GALK2: variants seen among roughly 807,000 people sequenced by gnomAD.
GALK2 encodes galactokinase 2, also known as N-acetylgalactosamine kinase.
A neutral mutation model predicts 52.4 loss-of-function variants in GALK2; 36 were observed. That is an observed-to-expected ratio of 0.69 (90% confidence interval 0.53 to 0.91). The LOEUF (loss-of-function observed/expected upper bound fraction) is 0.91, where lower values mean the gene tolerates loss of function less well. GALK2 is among the 40% of genes least tolerant of loss of function. GALK2 has a pLI of 0.00. For missense variants in GALK2, 579 were observed against 559.1 expected (o/e 1.04, Z -0.36); for synonymous variants, 176 against 199.1 (o/e 0.88, Z 0.98).
At chr15:49,201,747 G>T in intron 2 of GALK2, among the ~76,000 whole-genome samples, 1 of 151,958 alleles carries the variant, frequency 6.6e-6, no homozygotes, top group African/African-American at 2.4e-5. Context: ...TCAACATTTT[G>T]TTTACTATCA....
chr15:49,230,337 G>T (rs890881567), intron 3 of GALK2, among the ~76,000 whole-genome samples: 4 of 152,188 alleles, frequency 2.6e-5, no homozygotes, highest in Non-Finnish European at 1.5e-5. Flanking sequence ...GATTGCAGGA[G>T]TCCTTGATAG....
At chr15:49,202,063 G>A (rs576438173) in intron 2 of GALK2, among the ~76,000 whole-genome samples, 1 of 152,128 alleles carries the variant, frequency 6.6e-6, no homozygotes, top group African/African-American at 2.4e-5. Flanking sequence ...GTGTGCAATG[G>A]TGCAGTCTCG....
In GALK2 at chr15:49,327,942, A is replaced by T. The variant is rs1443531966; in HGVS notation, c.1170-10A>T. On this transcript the variant is annotated splice_polypyrimidine_tract_variant and intron_variant, in intron 9 of 9. Coordinates refer to ENST00000560031, the MANE Select transcript of GALK2 (RefSeq NM_002044.4). ...TATAGGTTCTAATATTTTTTTCCTCACTGTTTTAGGAAGTTTGGGGCTCAA... is the reference window on the plus strand; with the variant it reads ...TATAGGTTCTAATATTTTTTTCCTCTCTGTTTTAGGAAGTTTGGGGCTCAA... The T allele has an allele frequency of 5.0e-6, 8 of 1,592,548 alleles. No homozygotes were observed. Among genetic ancestry groups the T allele is most frequent in the Admixed American group, 3.5e-5 (2 of 56,834 alleles).
chr15:49,290,403 G>A (rs2033819198), intron 7 of GALK2, among the ~76,000 whole-genome samples: 1 of 152,226 alleles, frequency 6.6e-6, no homozygotes, highest in South Asian at 2.1e-4. Context: ...TGGACAACTG[G>A]TGTCACAGTA....
At chr15:49,170,510 AG>A (rs1275469813) in intron 1 of GALK2, 135 bp downstream of exon 1, 5 of 801,728 alleles carry the variant, frequency 6.2e-6, no homozygotes, top group Non-Finnish European at 1.0e-5. Context: ...GGATTCTATA[AG>A]GACACGTGGC....
chr15:49,285,464 T>G (rs879501040), intron 7 of GALK2, among the ~76,000 whole-genome samples: 21 of 152,232 alleles, frequency 1.4e-4, no homozygotes, highest in Admixed American at 9.2e-4. Flanking sequence ...CTTGGTCGTC[T>G]TCTTCTTTCT....
chr15:49,340,552 C>T (rs983241025), intron 3 of GALK2, among the ~76,000 whole-genome samples: 4 of 152,094 alleles, frequency 2.6e-5, no homozygotes, highest in Non-Finnish European at 4.4e-5. Context: ...TGCAGACCAG[C>T]GCTTTTCCTA....
chr15:49,288,469 A>G (rs959084313), intron 7 of GALK2, among the ~76,000 whole-genome samples: 4 of 152,192 alleles, frequency 2.6e-5, no homozygotes, highest in Non-Finnish European at 5.9e-5. Flanking sequence ...AGTAGTTGGT[A>G]TGAAACTTAT....
chr15:49,321,288 C>T (rs2036852060), intron 9 of GALK2, among the ~76,000 whole-genome samples: 1 of 151,960 alleles, frequency 6.6e-6, no homozygotes, highest in Admixed American at 6.6e-5. Flanking sequence ...TGAGGCTCAG[C>T]AGGATCAGCA....
At position 49,305,006 on chromosome 15, in the gene GALK2, A is replaced by G. The variant is rs1487892435; in HGVS notation, c.967+12469A>G. Among the ~76,000 whole-genome samples, 7 of 152,170 alleles carry G rather than the reference A, an allele frequency of 4.6e-5. No homozygotes were observed. In the East Asian group the frequency reaches 1.3e-3, roughly 29 times the overall value. On this transcript the variant is annotated intron_variant, in intron 8 of 9. Transcript: ENST00000560031. ...CTCTTTTCAGGAGCCAGTCATTCTA[A>G]TATCCTAGTTCAAGAAAACATCTTC...
At chr15:49,230,467 G>A (rs1449684760) in intron 3 of GALK2, among the ~76,000 whole-genome samples, 1 of 152,168 alleles carries the variant, frequency 6.6e-6, no homozygotes. Flanking sequence ...CTTGCCTTAG[G>A]TGTTCCTTGT....
At position 49,330,798 on chromosome 15, in the gene GALK2, A is replaced by G. The variant is rs1024853442; in HGVS notation, c.*2639A>G. The G allele has an allele frequency of 6.6e-6, 1 of 152,088 alleles. No individual in the cohort carries two copies. Among genetic ancestry groups the G allele is most frequent in the Non-Finnish European group, 1.5e-5 (1 of 68,020 alleles). 9.4% of individuals were successfully genotyped at this position (152,088 alleles called of 1,614,324 possible). A position where few individuals can be genotyped will look rare whatever the true frequency, so the allele number is the denominator to read the frequency against. On this transcript the variant is annotated 3_prime_UTR_variant, in exon 10 of 10. Transcript: ENST00000560031. Reference sequence around the variant, plus strand: ...ATATTTTTGTGTGTGGATGTAAAAAATAGTCCTTAGCTGGGAGTGGTGGCA... The same window carrying G: ...ATATTTTTGTGTGTGGATGTAAAAAGTAGTCCTTAGCTGGGAGTGGTGGCA...
At chr15:49,326,606 A>C (rs2037545935) in intron 9 of GALK2, among the ~76,000 whole-genome samples, 2 of 152,126 alleles carry the variant, frequency 1.3e-5, no homozygotes. Flanking sequence ...CAACCTAGAA[A>C]TTTAGAATAA....
chr15:49,345,101 CTT>C (rs1285799871), intron 3 of GALK2, among the ~76,000 whole-genome samples: 5 of 152,272 alleles, frequency 3.3e-5, no homozygotes, highest in East Asian at 1.9e-4. Flanking sequence ...ATTGTGCTCT[CTT>C]GAGTATCATT....
At chr15:49,244,511 G>A (rs2091254684) in intron 5 of GALK2, among the ~76,000 whole-genome samples, 1 of 152,192 alleles carries the variant, frequency 6.6e-6, no homozygotes, top group Non-Finnish European at 1.5e-5. Flanking sequence ...GTTGATAAAT[G>A]TCTCTAAAAT....
At chr15:49,158,801 A>G (rs1453554684) in intron 1 of GALK2, 1 of 150,894 alleles carries the variant, frequency 6.6e-6, no homozygotes, top group Non-Finnish European at 1.5e-5. Flanking sequence ...TTATTTTTGC[A>G]TCTATGTAGC....
At chr15:49,191,483 A>C (rs2086718691) in intron 1 of GALK2, among the ~76,000 whole-genome samples, 1 of 152,166 alleles carries the variant, frequency 6.6e-6, no homozygotes, top group African/African-American at 2.4e-5. Context: ...TTTTCATTTA[A>C]CATACTTTAA....
At chr15:49,208,455 A>G (rs896181338) in intron 2 of GALK2, among the ~76,000 whole-genome samples, 4 of 152,226 alleles carry the variant, frequency 2.6e-5, no homozygotes, top group African/African-American at 9.6e-5. Context: ...ATGTATTTGC[A>G]TGGTTTTGAA....
chr15:49,279,542 A>G (rs2032388039), intron 5 of GALK2, among the ~76,000 whole-genome samples: 1 of 152,118 alleles, frequency 6.6e-6, no homozygotes, highest in South Asian at 2.1e-4. Flanking sequence ...TCTAAACCTC[A>G]TTTTTCTCAT....
Sources: gnomAD v4.1 joint callset for allele counts (sites outside exome capture counted in the v4.1 genomes callset) on GRCh38, gnomAD v4.1.1 for gene constraint, MANE v1.5 for transcripts, NCBI Gene and HGNC (gene_info 2026-07-23, HGNC 2026-07-21) for gene names.